CRYM: variants seen among roughly 807,000 people sequenced by gnomAD.
CRYM encodes crystallin mu.
A neutral mutation model predicts 32.9 loss-of-function variants in CRYM; 18 were observed. The ratio of observed to expected loss-of-function variants is 0.55; its 90% CI spans 0.38 to 0.81. The LOEUF is 0.81. Ranked by LOEUF, CRYM falls within the 30% of genes least tolerant of loss-of-function variation. The pLI is 0.00. For missense variants in CRYM, 337 were observed against 393.5 expected (o/e 0.86, Z 1.21); for synonymous variants, 153 against 152.4 (o/e 1.00, Z -0.03).
upstream of CRYM, among the ~76,000 whole-genome samples, chr16:21,280,333 T>C (rs1048194514): frequency 1.3e-5 from 2 of 152,126 alleles, no homozygotes; most frequent in African/African-American, 4.8e-5. Flanking sequence ...TGAGCCAAGA[T>C]TGCACCACTG....
intron 1 of CRYM, among the ~76,000 whole-genome samples, chr16:21,302,016 C>A (rs573850436): frequency 6.6e-6 from 1 of 152,214 alleles, no homozygotes. Flanking sequence ...AAGGGCGACC[C>A]CCAAACAAAA....
chr16:21,278,351 G>C, upstream of CRYM: 1 of 1,441,536 alleles, frequency 6.9e-7, no homozygotes, highest in Non-Finnish European at 9.4e-7. Flanking sequence ...GGAGCCGCCT[G>C]CTGGTCACAG....
chr16:21,274,587 TTTTG>T (rs896988767), intron 3 of CRYM, among the ~76,000 whole-genome samples: 49 of 152,260 alleles, frequency 3.2e-4, no homozygotes, highest in African/African-American at 1.1e-3. Flanking sequence ...CAACAGATGT[TTTTG>T]TTTGTTTTGT....
At chr16:21,291,200 C>T (rs1179080310) in intron 1 of CRYM, among the ~76,000 whole-genome samples, 2 of 152,114 alleles carry the variant, frequency 1.3e-5, no homozygotes, top group Non-Finnish European at 2.9e-5. Flanking sequence ...CTTTTAAAAA[C>T]TTTCTGCTTG....
At chr16:21,263,145 T>C (rs575017978) in intron 5 of CRYM, among the ~76,000 whole-genome samples, 1 of 152,304 alleles carries the variant, frequency 6.6e-6, no homozygotes, top group East Asian at 1.9e-4. Flanking sequence ...CTCATGCCTG[T>C]AATCCTAACA....
At chr16:21,290,148 C>G (rs1479623562) in intron 1 of CRYM, among the ~76,000 whole-genome samples, 2 of 152,154 alleles carry the variant, frequency 1.3e-5, no homozygotes, top group African/African-American at 4.8e-5. Flanking sequence ...CCAGCAGTGG[C>G]AATGTCGGAT....
chr16:21,275,898 A>G (rs905928627), intron 2 of CRYM, among the ~76,000 whole-genome samples: 2 of 152,196 alleles, frequency 1.3e-5, no homozygotes, highest in African/African-American at 4.8e-5. Flanking sequence ...GCCCTCAAGA[A>G]CTGCCCATTT....
chr16:21,301,558 G>A (rs1159478859), intron 1 of CRYM, among the ~76,000 whole-genome samples: 1 of 152,200 alleles, frequency 6.6e-6, no homozygotes, highest in African/African-American at 2.4e-5. Context: ...CACTGGAGCT[G>A]CGGGATAATA....
chr16:21,299,470 C>T (rs531882769), intron 1 of CRYM, among the ~76,000 whole-genome samples: 3 of 152,050 alleles, frequency 2.0e-5, no homozygotes, highest in African/African-American at 7.3e-5. Context: ...CACCACTGCT[C>T]GGCTAATTTT....
intron 5 of CRYM, among the ~76,000 whole-genome samples, chr16:21,265,557 C>T (rs914199501): frequency 6.6e-6 from 1 of 152,216 alleles, no homozygotes; most frequent in African/African-American, 2.4e-5. Context: ...TTGTCTATCT[C>T]TCCTCACTGA....
At chr16:21,276,837 C>T (rs1037540241) in intron 2 of CRYM, among the ~76,000 whole-genome samples, 2 of 152,092 alleles carry the variant, frequency 1.3e-5, no homozygotes, top group African/African-American at 2.4e-5. Context: ...TGCTCTGACT[C>T]GGTTTCCTCA....
intron 1 of CRYM, among the ~76,000 whole-genome samples, chr16:21,284,612 C>G (rs919962599): frequency 6.6e-6 from 1 of 152,192 alleles, no homozygotes; most frequent in Non-Finnish European, 1.5e-5. Context: ...GGACATAATT[C>G]CATTCATTTT....
At chr16:21,262,812 T>C (rs1259494710) in intron 5 of CRYM, among the ~76,000 whole-genome samples, 1 of 152,184 alleles carries the variant, frequency 6.6e-6, no homozygotes, top group Non-Finnish European at 1.5e-5. Context: ...ACTTAACAGA[T>C]GCACGAATGG....
chr16:21,296,161 C>T (rs1336305712), intron 1 of CRYM, among the ~76,000 whole-genome samples: 9 of 152,188 alleles, frequency 5.9e-5, no homozygotes, highest in African/African-American at 2.2e-4. Flanking sequence ...TGGTCTCCAA[C>T]TCTTGACCTC....
chr16:21,270,746 C>T (rs1725494783), intron 3 of CRYM, among the ~76,000 whole-genome samples: 2 of 152,200 alleles, frequency 1.3e-5, no homozygotes, highest in South Asian at 4.1e-4. Context: ...TGAGCCCTTC[C>T]TTCCCAGGGT....
intron 1 of CRYM, among the ~76,000 whole-genome samples, chr16:21,292,389 A>C (rs1224883275): frequency 6.6e-6 from 1 of 152,170 alleles, no homozygotes; most frequent in Non-Finnish European, 1.5e-5. Context: ...TGTACACTGA[A>C]GACTGAAAAC....
intron 4 of CRYM, 24 bp downstream of exon 4, chr16:21,269,766 T>TTCCCCCCCCCC: frequency 5.8e-6 from 4 of 690,468 alleles, no homozygotes; most frequent in South Asian, 1.4e-5. Flanking sequence ...CCCTCTTCTC[T>TTCCCCCCCCCC]CCCACCCCCA....
chr16:21,295,156 T>G (rs1960761752), intron 1 of CRYM, among the ~76,000 whole-genome samples: 1 of 152,220 alleles, frequency 6.6e-6, no homozygotes, highest in Admixed American at 6.5e-5. Context: ...TACAGTAGAA[T>G]GATGTGTATT....
rs756187414 is a variant in CRYM at position 21,275,611 on chromosome 16, G to C, written c.325-17C>G. The C allele has an allele frequency of 6.2e-6, 10 of 1,608,010 alleles. No homozygotes were observed. The South Asian group carries it at 8.8e-5, about 14-fold the overall frequency. Reference sequence around the variant, plus strand: ...ATCCATGACCTTGGAGGAAAAGAGAGACAGTGAGCAAGGGGAACCCCTGTC... The same window carrying C: ...ATCCATGACCTTGGAGGAAAAGAGACACAGTGAGCAAGGGGAACCCCTGTC... On this transcript the variant is annotated splice_polypyrimidine_tract_variant and intron_variant, in intron 2 of 7. Transcript: ENST00000572914.
Sources: allele counts gnomAD v4.1 joint callset (sites outside exome capture counted in the v4.1 genomes callset), GRCh38; gene constraint gnomAD v4.1.1; transcripts MANE v1.5; gene names NCBI Gene and HGNC (gene_info 2026-07-23, HGNC 2026-07-21).